SRBD1: variants seen among roughly 807,000 people sequenced by gnomAD.
SRBD1 encodes the protein S1 RNA binding domain 1.
Under a neutral mutation model 115.3 loss-of-function variants are expected in SRBD1, and 88 were observed. That is an observed-to-expected ratio of 0.76 (90% CI 0.64 to 0.91). The LOEUF is 0.91. Among genes scored for constraint, SRBD1 ranks in the 40% least tolerant of loss-of-function variants. The pLI is 0.00. For synonymous variants in SRBD1, 509 were observed against 407.7 expected, an observed-to-expected ratio of 1.25 and a Z score of -2.99; for missense variants, 1,385 against 1,177.4, an observed-to-expected ratio of 1.18 and a Z score of -2.58.
At chr2:45,561,036 G>C (rs1035699221) in intron 10 of SRBD1, among the ~76,000 whole-genome samples, 2 of 152,134 alleles carry the variant, frequency 1.3e-5, no homozygotes, top group Admixed American at 6.5e-5. Context: ...GAGTCTGGGA[G>C]ATTGAGGCTG....
intron 16 of SRBD1, among the ~76,000 whole-genome samples, chr2:45,449,592 C>T (rs3755078): frequency 0.8 from 121,734 of 152,100 alleles, 49,511 homozygotes; most frequent in African/African-American, 0.92. Context: ...GGGTGTGATA[C>T]TAAAATCCAG....
chr2:45,414,252 A>G (rs1386280133), intron 18 of SRBD1, among the ~76,000 whole-genome samples: 1 of 152,192 alleles, frequency 6.6e-6, no homozygotes, highest in Non-Finnish European at 1.5e-5. Context: ...AGTATAACCC[A>G]TACCAAGCTC....
Position 45,411,688 on chromosome 2 carries a change from T to C in SRBD1, c.2513+1426A>G, listed in dbSNP as rs569076857. Among the ~76,000 whole-genome samples, 445 of 152,322 alleles carry C rather than the reference T, an allele frequency of 2.9e-3. 3 individuals carry two copies. The highest frequency in any genetic ancestry group is 0.01 in the African/African-American group (425 of 41,586). The stretch of plus-strand genomic sequence containing the variant: ...TAATATAAACTTAAAATTTAATTGT[T>C]ACGTAAATGTGACCTCAAAAGAAAA... On this transcript the variant is annotated intron_variant, in intron 19 of 20. Coordinates refer to ENST00000263736, the MANE Select transcript of SRBD1 (RefSeq NM_018079.5).
At chr2:45,448,155 T>A (rs930557243) in intron 16 of SRBD1, 4 of 152,178 alleles carry the variant, frequency 2.6e-5, no homozygotes, top group African/African-American at 9.6e-5. Flanking sequence ...AACTTAGTTA[T>A]CAATATTAAG....
At chr2:45,580,789 A>T (rs577247814) in intron 6 of SRBD1, among the ~76,000 whole-genome samples, 1 of 145,188 alleles carries the variant, frequency 6.9e-6, no homozygotes, top group South Asian at 2.1e-4. Context: ...GGGTTCAAGC[A>T]ATTCTCCGCC....
intron 20 of SRBD1, 152 bp from the exon 21 acceptor site, chr2:45,389,751 C>T: frequency 1.4e-6 from 1 of 740,630 alleles, no homozygotes; most frequent in East Asian, 2.7e-5. Flanking sequence ...CAACGCTTGC[C>T]TTCAGAGAAC....
At chr2:45,483,748 G>A (rs191993691) in intron 15 of SRBD1, among the ~76,000 whole-genome samples, 54 of 152,118 alleles carry the variant, frequency 3.5e-4, no homozygotes, top group African/African-American at 1.3e-3. Flanking sequence ...ATTCCCCCAT[G>A]TTGTCTTTTT....
chr2:45,516,806 G>C (rs533756857), intron 14 of SRBD1, among the ~76,000 whole-genome samples: 1 of 152,110 alleles, frequency 6.6e-6, no homozygotes, highest in South Asian at 2.1e-4. Context: ...TGCAGGAAAG[G>C]CATTTTGTTA....
At chr2:45,409,350 A>G (rs1424669617) in intron 19 of SRBD1, among the ~76,000 whole-genome samples, 1 of 152,118 alleles carries the variant, frequency 6.6e-6, no homozygotes, top group African/African-American at 2.4e-5. Context: ...CTGTGCACAT[A>G]TGCACCTTCT....
chr2:45,588,053 C>A (rs894839608), intron 4 of SRBD1, among the ~76,000 whole-genome samples: 1 of 152,202 alleles, frequency 6.6e-6, no homozygotes, highest in African/African-American at 2.4e-5. Context: ...CACTGTTCTT[C>A]ATTTCTTCTG....
chr2:45,489,087 A>G (rs1326489571), intron 14 of SRBD1, among the ~76,000 whole-genome samples: 2 of 152,142 alleles, frequency 1.3e-5, no homozygotes, highest in Non-Finnish European at 2.9e-5. Context: ...CTTACAGCTG[A>G]CATTTGTATG....
At chr2:45,583,423 T>C (rs1014800257) in intron 5 of SRBD1, among the ~76,000 whole-genome samples, 9 of 152,180 alleles carry the variant, frequency 5.9e-5, no homozygotes, top group Non-Finnish European at 8.8e-5. Context: ...AAGAAGAGAA[T>C]TATCTTTAGA....
chr2:45,440,644 C>G (rs1668638161), intron 16 of SRBD1, among the ~76,000 whole-genome samples: 1 of 152,136 alleles, frequency 6.6e-6, no homozygotes, highest in Non-Finnish European at 1.5e-5. Flanking sequence ...CTGTAAATCT[C>G]TATTTTTAGA....
intron 15 of SRBD1, among the ~76,000 whole-genome samples, chr2:45,478,931 C>T (rs1669881676): frequency 6.6e-6 from 1 of 152,204 alleles, no homozygotes. Context: ...TCTATTGGTG[C>T]CATTTTTCCA....
chr2:45,532,977 G>T (rs1671658101), intron 14 of SRBD1, among the ~76,000 whole-genome samples: 1 of 151,956 alleles, frequency 6.6e-6, no homozygotes, highest in Admixed American at 6.6e-5. Flanking sequence ...AAATCAGAGA[G>T]AGAACCAAAA....
chr2:45,604,808 G>C (rs1674214978), intron 2 of SRBD1, among the ~76,000 whole-genome samples: 1 of 152,008 alleles, frequency 6.6e-6, no homozygotes. Context: ...TTTCTTTATA[G>C]TACTTATTAC....
intron 14 of SRBD1, among the ~76,000 whole-genome samples, chr2:45,536,309 T>C (rs935847514): frequency 2.0e-5 from 3 of 151,572 alleles, no homozygotes; most frequent in African/African-American, 7.3e-5. Flanking sequence ...ACAAGAAAGG[T>C]TCCTTTCTTT....
At chr2:45,396,950 C>T (rs1667163137) in intron 19 of SRBD1, among the ~76,000 whole-genome samples, 1 of 152,164 alleles carries the variant, frequency 6.6e-6, no homozygotes, top group Non-Finnish European at 1.5e-5. Flanking sequence ...TGATTTACAA[C>T]TCCACCAAGA....
chr2:45,551,281 C>T lies in SRBD1; in HGVS notation c.1519G>A (p.Ala507Thr). ...IYPLLCREFR[A>T]KLTSDAEKES... The stretch of plus-strand genomic sequence containing the variant: ...TTCTCTGCATCTGATGTTAGTTTGG[C>T]TCTTTAGAAATAGAAGAAAAGAAAA... Residue 507 changes from alanine to threonine, a missense_variant and splice_region_variant, in exon 12 of 21, where the codon GCC becomes ACC. By Grantham distance (58) the Ala-to-Thr change is moderately conservative (BLOSUM62 0). Coordinates refer to ENST00000263736, the MANE Select transcript of SRBD1 (RefSeq NM_018079.5). The T allele has an allele frequency of 1.3e-6, 2 of 1,589,054 alleles. No homozygotes were observed. Among genetic ancestry groups the T allele is most frequent in the Non-Finnish European group, 1.7e-6 (2 of 1,174,586 alleles).
Sources: gnomAD v4.1 joint callset for allele counts (sites outside exome capture counted in the v4.1 genomes callset) on GRCh38, gnomAD v4.1.1 for gene constraint, MANE v1.5 for transcripts, NCBI Gene and HGNC (gene_info 2026-07-23, HGNC 2026-07-21) for gene names.